The following ZNF483 variants were observed in gnomAD, a reference collection of about 807,000 sequenced individuals.
ZNF483 encodes zinc finger protein 483.
ZNF483 carries 9 observed loss-of-function variants against 28.6 expected under a neutral mutation model. The ratio of observed to expected loss-of-function variants is 0.32; its 90% CI spans 0.19 to 0.55. The LOEUF is 0.55. Among genes scored for constraint, ZNF483 ranks in the 20% least tolerant of loss-of-function variants. The pLI is 0.93. For missense variants in ZNF483, 675 were observed against 871.7 expected (o/e 0.77, Z 2.84); for synonymous variants, 322 against 306.2 (o/e 1.05, Z -0.54).
At position 111,551,854 on chromosome 9, in the gene ZNF483, A is replaced by G. The variant is rs934032455; in HGVS notation, c.*8684A>G. Reference sequence around the variant, plus strand: ...TTATTAGCATCAAATTTGATGAAGCAGTGCATAAATGGAAACAAAACAGTT... The same window carrying G: ...TTATTAGCATCAAATTTGATGAAGCGGTGCATAAATGGAAACAAAACAGTT... On this transcript the variant is annotated 3_prime_UTR_variant, in exon 6 of 6. Coordinates refer to ENST00000309235, the MANE Select transcript of ZNF483 (RefSeq NM_133464.5). Among the ~76,000 whole-genome samples, 6 of 152,244 alleles carry G rather than the reference A, an allele frequency of 3.9e-5. No individual in the cohort carries two copies. The highest frequency in any genetic ancestry group is 5.9e-5 in the Non-Finnish European group (4 of 68,048).
rs779797123 is a variant in ZNF483 at position 111,542,359 on chromosome 9, C to G, written c.1424C>G (p.Ala475Gly). The G allele has an allele frequency of 6.2e-7, 1 of 1,614,054 alleles. No homozygotes were observed. The highest frequency in any genetic ancestry group is 8.5e-7 in the Non-Finnish European group (1 of 1,180,012). The change falls in exon 6 of 6, where the codon GCT becomes GGT. Residue 475 changes from alanine (A) to glycine (G), a missense_variant. By Grantham distance (60) the Ala-to-Gly change is moderately conservative. This residue lies in a region of ZNF483 where 525 missense variants were observed against 581.8 expected (regional missense o/e 0.90). Coordinates refer to ENST00000309235, the MANE Select transcript of ZNF483 (RefSeq NM_133464.5). This position sits in a 1 kb window ranked among gnomAD's most constrained non-coding sequence, Gnocchi z 6.2. ...KPYMCNECGK[A>G]FSDSSSLTPH... The stretch of plus-strand genomic sequence containing the variant: ...TATATGTGTAATGAATGTGGAAAAG[C>G]TTTTAGTGATAGTTCATCGCTCACA...
chr9:111,561,545 A>G (rs982181211), intron 5 of ZNF483, among the ~76,000 whole-genome samples: 5 of 152,292 alleles, frequency 3.3e-5, no homozygotes, highest in Middle Eastern at 6.8e-3. Context: ...TACAGGTGTG[A>G]GCCACTATGC....
Position 111,530,771 on chromosome 9 carries a change from A to ATT in ZNF483, c.413-103_413-102insTT, listed in dbSNP as rs1269750293. On this transcript the variant is annotated intron_variant, in intron 2 of 5. Coordinates refer to ENST00000309235, the MANE Select transcript of ZNF483 (RefSeq NM_133464.5). ...ATCACTTAGAAATATATATATATAT[A>ATT]TATATATATATATATATATATATAT... 6 of 37,072 alleles carry ATT rather than the reference A, an allele frequency of 1.6e-4. 1 individual carries two copies. In the East Asian group the frequency reaches 2.7e-3, roughly 17 times the overall value. The allele number at this position is 37,072 out of a possible 1,614,324, so 2.3% of individuals were successfully genotyped here. A position where few individuals can be genotyped will look rare whatever the true frequency, so the allele number is the denominator to read the frequency against.
At chr9:111,535,920 A>G (rs538655532) in intron 5 of ZNF483, among the ~76,000 whole-genome samples, 1 of 138,342 alleles carries the variant, frequency 7.2e-6, no homozygotes, top group Admixed American at 7.4e-5. Flanking sequence ...TTTTTGAGAC[A>G]GAGTTACCCA....
chr9:111,536,253 C>T (rs1456531753), intron 5 of ZNF483, among the ~76,000 whole-genome samples: 1 of 151,850 alleles, frequency 6.6e-6, no homozygotes, highest in African/African-American at 2.4e-5. Flanking sequence ...AGCGTGGTGG[C>T]TCACACCTGT....
At chr9:111,532,475 G>T (rs1051498446) in intron 3 of ZNF483, among the ~76,000 whole-genome samples, 2 of 152,136 alleles carry the variant, frequency 1.3e-5, no homozygotes, top group Non-Finnish European at 2.9e-5. Context: ...AGTTTGGAGT[G>T]ATAGGGCCGT....
intron 5 of ZNF483, among the ~76,000 whole-genome samples, chr9:111,536,909 T>C (rs1019796114): frequency 4.6e-5 from 7 of 152,216 alleles, no homozygotes; most frequent in Admixed American, 6.5e-5. Context: ...TACGGTACTG[T>C]ACTGTGTGTA....
intron 2 of ZNF483, among the ~76,000 whole-genome samples, chr9:111,529,007 G>C (rs1490165252): frequency 6.6e-6 from 1 of 152,112 alleles, no homozygotes; most frequent in South Asian, 2.1e-4. Context: ...AGGCAGGTGT[G>C]GTGGTGCACG....
In ZNF483 at chr9:111,542,114, T is replaced by C. The variant is rs1240320902; in HGVS notation, c.1179T>C (p.Ser393=). 4 of 1,613,888 alleles carry C rather than the reference T, an allele frequency of 2.5e-6. No individual in the cohort carries two copies. The highest frequency in any genetic ancestry group is 3.4e-6 in the Non-Finnish European group (4 of 1,180,008). The change falls in exon 6 of 6, where the codon AGT becomes AGC. Residue 393 remains serine (S), a synonymous_variant. Transcript: ENST00000309235. The surrounding 1 kb of genome is among the most constrained non-coding windows in gnomAD (Gnocchi z 6.2). ...IHLGDRSQKC[S]KCGIIFIRRS... is the part of the protein sequence containing the mutation. ...TGGGGGATAGGTCCCAAAAATGCAG[T>C]AAGTGTGGGATAATCTTTATTAGAA... is the stretch of plus-strand genomic sequence containing the variant.
At chr9:111,557,592 C>T (rs1430859997), downstream of ZNF483, among the ~76,000 whole-genome samples, 1 of 151,838 alleles carries the variant, frequency 6.6e-6, no homozygotes, top group Non-Finnish European at 1.5e-5. Flanking sequence ...CCACCATGCC[C>T]TGCTAATTTT....
chr9:111,534,383 T>C, intron 5 of ZNF483, 30 bp downstream of exon 5: 1 of 1,575,720 alleles, frequency 6.3e-7, no homozygotes, highest in Non-Finnish European at 8.7e-7. Context: ...ACAACGAAAT[T>C]AAAGCAGTTG....
intron 2 of ZNF483, chr9:111,528,161 A>G (rs1827227001): frequency 2.0e-5 from 16 of 817,642 alleles, no homozygotes; most frequent in Non-Finnish European, 2.9e-5. Context: ...AGGCAAATCA[A>G]CCAGCTCAGG....
Position 111,542,690 on chromosome 9 carries a change from A to G in ZNF483, c.1755A>G (p.Gly585=). ...AACCCTATAAATGTGGCGAATGTGG[A>G]AAAGCCTTTAGGCAGAATTCATGCC... ...GEKPYKCGEC[G]KAFRQNSCLT... The change falls in exon 6 of 6, where the codon GGA becomes GGG. Residue 585 remains glycine, a synonymous_variant. Transcript: ENST00000309235. This position sits in a 1 kb window ranked among gnomAD's most constrained non-coding sequence, Gnocchi z 6.2. 1 of 1,614,092 alleles carries G rather than the reference A, an allele frequency of 6.2e-7. No individual in the cohort carries two copies. Among genetic ancestry groups the G allele is most frequent in the Non-Finnish European group, 8.5e-7 (1 of 1,180,018 alleles).
At chr9:111,557,065 C>T (rs1373017517), downstream of ZNF483, among the ~76,000 whole-genome samples, 2 of 152,198 alleles carry the variant, frequency 1.3e-5, no homozygotes, top group Admixed American at 6.5e-5. Flanking sequence ...TCTGAAATGC[C>T]CTGGAAGCAT....
intron 5 of ZNF483, chr9:111,570,312 T>C: frequency 6.8e-7 from 1 of 1,463,612 alleles, no homozygotes; most frequent in African/African-American, 1.4e-5. Flanking sequence ...TGGGAGTTTT[T>C]TGGTGCTTCT....
At chr9:111,534,426 T>C (rs1015442071) in intron 5 of ZNF483, 73 bp downstream of exon 5, 27 of 1,270,318 alleles carry the variant, frequency 2.1e-5, no homozygotes, top group Non-Finnish European at 3.0e-5. Context: ...CTCTTTGAAA[T>C]GTTGGGCTGC....
rs1395424914 is a variant in ZNF483 at position 111,542,780 on chromosome 9, T to G, written c.1845T>G (p.Thr615=). 1 of 1,614,066 alleles carries G rather than the reference T, an allele frequency of 6.2e-7. No homozygotes were observed. The highest frequency in any genetic ancestry group is 8.5e-7 in the Non-Finnish European group (1 of 1,179,950). The change falls in exon 6 of 6, where the codon ACT becomes ACG. Residue 615 remains threonine (T), a synonymous_variant. Coordinates refer to ENST00000309235, the MANE Select transcript of ZNF483 (RefSeq NM_133464.5). This position sits in a 1 kb window ranked among gnomAD's most constrained non-coding sequence, Gnocchi z 6.2. ...ATTTGTGTAATGATTGCGGAATGAC[T>G]TTTAGCCATTTTACGTCTGTGATTT... The part of the protein sequence containing the change: ...KPYLCNDCGM[T]FSHFTSVIYH...
At chr9:111,568,468 G>A (rs997088982) in intron 5 of ZNF483, among the ~76,000 whole-genome samples, 1 of 152,258 alleles carries the variant, frequency 6.6e-6, no homozygotes, top group Non-Finnish European at 1.5e-5. Flanking sequence ...TGTTGAAGAT[G>A]TTTATCAAGA....
intron 5 of ZNF483, among the ~76,000 whole-genome samples, chr9:111,571,127 T>C (rs922295728): frequency 6.8e-6 from 1 of 146,700 alleles, no homozygotes; most frequent in Non-Finnish European, 1.5e-5. Flanking sequence ...AGAATAAGTG[T>C]GTGGGGTCGG....
Sources: gnomAD v4.1 joint callset for allele counts (sites outside exome capture counted in the v4.1 genomes callset) on GRCh38, gnomAD v4.1.1 for gene constraint, gnomAD v4.1.1 regional missense constraint, Gnocchi (gnomAD v3.1) non-coding constraint, MANE v1.5 for transcripts, NCBI Gene and HGNC (gene_info 2026-07-23, HGNC 2026-07-21) for gene names.